PLIN1: variants seen among roughly 807,000 people sequenced by gnomAD.
PLIN1 encodes perilipin-1.
A neutral mutation model predicts 45.8 loss-of-function variants in PLIN1; 37 were observed. That is an observed-to-expected ratio of 0.81 (90% CI 0.62 to 1.06). The LOEUF (loss-of-function observed/expected upper bound fraction) is 1.06, where lower values mean the gene tolerates loss of function less well. Ranked by LOEUF, PLIN1 falls within the 50% of genes least tolerant of loss-of-function variation. The pLI, the probability that PLIN1 is intolerant of heterozygous loss-of-function variation, is 0.00. For synonymous variants in PLIN1, 340 were observed against 309.2 expected (o/e 1.10, Z -1.05); for missense variants, 776 against 716.5 (o/e 1.08, Z -0.95).
chr15:89,665,861 C>T lies in PLIN1; in HGVS notation c.1291G>A (p.Ala431Thr), dbSNP rs1218778712. The change falls in exon 9 of 9, where the codon GCG (alanine) becomes ACG (threonine). Residue 431 changes from alanine to threonine, a missense_variant. Ala to Thr is a moderately conservative substitution (Grantham distance 58). Coordinates refer to ENST00000300055, the MANE Select transcript of PLIN1 (RefSeq NM_002666.5). ...NPPAEVERRE[A>T]ERRASGAPSA... ...GGCGCCCCAGACGCTCTGCGCTCCG[C>T]CTCCCGGCGCTCGACCTCGGCTGGT... 1 of 1,499,338 alleles carries T rather than the reference C, an allele frequency of 6.7e-7. No individual in the cohort carries two copies. Among genetic ancestry groups the T allele is most frequent in the East Asian group, 2.7e-5 (1 of 36,726 alleles). 92.9% of individuals were successfully genotyped at this position (1,499,338 alleles called of 1,614,324 possible).
intron 3 of PLIN1, among the ~76,000 whole-genome samples, chr15:89,672,225 T>C (rs1561726): frequency 0.013 from 1,958 of 152,180 alleles, 43 homozygotes; most frequent in African/African-American, 0.045. Flanking sequence ...CCCCGGAGAG[T>C]GGGCATGCAT....
rs1307024094 is a variant in PLIN1, at chr15:89,667,035, G to C, written c.1110C>G (p.Ala370=). Residue 370 remains alanine (A), a synonymous_variant, in exon 8 of 9, where the codon GCC becomes GCG. Transcript: ENST00000300055. ...TCCCCTTGGTTGAGGAGACAGCAGG[G>C]GCTGGTGTGAGGTGCAGCACCCTCC... The part of the protein sequence containing the change: ...MAGRVLHLTP[A]PAVSSTKGRA... 3 of 1,614,000 alleles carry C rather than the reference G, an allele frequency of 1.9e-6. No individual in the cohort carries two copies. The highest frequency in any genetic ancestry group is 2.5e-6 in the Non-Finnish European group (3 of 1,179,988).
At chr15:89,676,474 C>A (rs1463149973) in intron 2 of PLIN1, among the ~76,000 whole-genome samples, 2 of 152,154 alleles carry the variant, frequency 1.3e-5, no homozygotes, top group Non-Finnish European at 2.9e-5. Flanking sequence ...GTCTTGATCT[C>A]CTGACCTTGT....
At position 89,677,435 on chromosome 15, in the gene PLIN1, A is replaced by G. The variant is rs749777749; in HGVS notation, c.45+10T>C. 2 of 1,611,070 alleles carry G rather than the reference A, an allele frequency of 1.2e-6. No individual in the cohort carries two copies. The highest frequency in any genetic ancestry group is 2.2e-5 in the South Asian group (2 of 91,028). ...CCATCCCCTGTCACAGATGAGCCCA[A>G]GTTACTTACAGGGAGGTCTCCATCC... On this transcript the variant is annotated intron_variant, in intron 2 of 8. Coordinates refer to ENST00000300055, the MANE Select transcript of PLIN1 (RefSeq NM_002666.5).
chr15:89,676,470 A>T (rs1596044335), intron 2 of PLIN1, among the ~76,000 whole-genome samples: 2 of 152,088 alleles, frequency 1.3e-5, no homozygotes, highest in Non-Finnish European at 2.9e-5. Context: ...GATGGTCTTG[A>T]TCTCCTGACC....
At chr15:89,672,296 C>A (rs1199105155) in intron 3 of PLIN1, among the ~76,000 whole-genome samples, 1 of 152,254 alleles carries the variant, frequency 6.6e-6, no homozygotes, top group Non-Finnish European at 1.5e-5. Flanking sequence ...GGCTCTGCAG[C>A]CATGGCCAAT....
chr15:89,669,745 G>C, intron 5 of PLIN1, 73 bp from the exon 6 acceptor site: 1 of 1,419,220 alleles, frequency 7.0e-7, no homozygotes, highest in South Asian at 1.2e-5. Context: ...GTCATGTCTA[G>C]GACTGGAAAG....
chr15:89,670,913 A>AG lies in PLIN1; in HGVS notation c.333+568dup, dbSNP rs1470874724. On this transcript the variant is annotated intron_variant, in intron 4 of 8. Transcript: ENST00000300055. ...TAGGTGATGGCCCCGGGCATAGGGT[A>AG]GGGCTCAGTACCTGTTTGTGGGAAG... Among the ~76,000 whole-genome samples the AG allele has an allele frequency of 3.9e-5, 6 of 152,274 alleles. No individual in the cohort carries two copies. In the East Asian group the frequency reaches 1.2e-3, roughly 29 times the overall value.
At chr15:89,674,874 A>G (rs1223447180) in intron 2 of PLIN1, among the ~76,000 whole-genome samples, 2 of 151,676 alleles carry the variant, frequency 1.3e-5, no homozygotes, top group Admixed American at 6.6e-5. Context: ...AAAATATACT[A>G]CCCTCGCTTG....
In PLIN1 at chr15:89,664,745, T is replaced by C. The variant is rs1363087254; in HGVS notation, c.*838A>G. 9.7e-6 allele frequency: 4 copies of C among 412,680 alleles called. No individual in the cohort carries two copies. Among genetic ancestry groups the C allele is most frequent in the East Asian group, 7.1e-5 (1 of 13,988 alleles). 25.6% of individuals were successfully genotyped at this position (412,680 alleles called of 1,614,324 possible). On this transcript the variant is annotated 3_prime_UTR_variant, in exon 9 of 9. Transcript: ENST00000300055. ...GAAAGACACACATCCTTTTGCAATATTTGAATTCTGTAATTGTATGAATGC... is the reference window on the plus strand; with the variant it reads ...GAAAGACACACATCCTTTTGCAATACTTGAATTCTGTAATTGTATGAATGC...
Position 89,670,263 on chromosome 15 carries a change from G to C in PLIN1, c.334-19C>G. 1 of 1,606,268 alleles carries C rather than the reference G, an allele frequency of 6.2e-7. No individual in the cohort carries two copies. Among genetic ancestry groups the C allele is most frequent in the Non-Finnish European group, 8.5e-7 (1 of 1,175,006 alleles). ...AAGCAATCTGGGGGAAGTTGGTGGG[G>C]GTGTTAGGCATGTGGTCTTGCAGGC... On this transcript the variant is annotated intron_variant, in intron 4 of 8. Coordinates refer to ENST00000300055, the MANE Select transcript of PLIN1 (RefSeq NM_002666.5).
intron 8 of PLIN1, among the ~76,000 whole-genome samples, chr15:89,666,462 A>G (rs1401359556): frequency 6.6e-6 from 1 of 152,158 alleles, no homozygotes; most frequent in Admixed American, 6.5e-5. Context: ...GGGCTCCCAA[A>G]GGGATGGCAT....
intron 3 of PLIN1, among the ~76,000 whole-genome samples, chr15:89,671,964 G>A (rs1012876584): frequency 2.0e-5 from 3 of 152,222 alleles, no homozygotes; most frequent in Admixed American, 6.5e-5. Flanking sequence ...AACAAGTACC[G>A]TTCTTTCCCT....
rs745574452 is a variant in PLIN1, at chr15:89,667,004, T to A, written c.1141A>T (p.Met381Leu). 2.5e-6 allele frequency: 4 copies of A among 1,614,002 alleles called. No individual in the cohort carries two copies. The Admixed American group carries it at 5.0e-5, about 20-fold the overall frequency. The change falls in exon 8 of 9, where the codon ATG becomes TTG. Residue 381 changes from methionine to leucine, a missense_variant. Met to Leu is a conservative substitution (Grantham distance 15, BLOSUM62 2). Coordinates refer to ENST00000300055, the MANE Select transcript of PLIN1 (RefSeq NM_002666.5). ...PAVSSTKGRA[M>L]SLSDALKGVT... is the part of the protein sequence containing the mutation. ...CCCTTCAGGGCATCTGATAGGGACA[T>A]GGCCCTCCCCTTGGTTGAGGAGACA...
Position 89,665,753 on chromosome 15 carries a change from C to T in PLIN1, c.1399G>A (p.Gly467Ser). The T allele has an allele frequency of 7.5e-7, 1 of 1,324,720 alleles. No individual in the cohort carries two copies. The highest frequency in any genetic ancestry group is 9.6e-7 in the Non-Finnish European group (1 of 1,043,458). The allele number at this position is 1,324,720 out of a possible 1,614,324, so 82.1% of individuals were successfully genotyped here. A position where few individuals can be genotyped will look rare whatever the true frequency, so the allele number is the denominator to read the frequency against. Residue 467 changes from glycine to serine, a missense_variant, in exon 9 of 9, where the codon GGC becomes AGC. Coordinates refer to ENST00000300055, the MANE Select transcript of PLIN1 (RefSeq NM_002666.5). ...GCGACTTCGTCCTCCAGGCCCGGGC[C>T]GGGGGGCGCGCCGGGGCTCTGCGCG... ...RSAQSPGAPPGPGLEDEVATP... is the reference protein window; with the variant it reads ...RSAQSPGAPPSPGLEDEVATP...
At chr15:89,676,458 A>G (rs531573000) in intron 2 of PLIN1, among the ~76,000 whole-genome samples, 19 of 152,280 alleles carry the variant, frequency 1.2e-4, no homozygotes, top group Non-Finnish European at 2.4e-4. Context: ...TGTGTTAGCC[A>G]GGATGGTCTT....
chr15:89,667,469 G>T, intron 7 of PLIN1, 133 bp downstream of exon 7: 1 of 1,375,370 alleles, frequency 7.3e-7, no homozygotes, highest in Non-Finnish European at 1.0e-6. Context: ...GCATTTGGGG[G>T]TGGGGTGAAG....
chr15:89,670,190 T>C lies in PLIN1; in HGVS notation c.388A>G (p.Ser130Gly), dbSNP rs1964418875. Residue 130 changes from serine to glycine, a missense_variant, in exon 5 of 9, where the codon AGC (serine) becomes GGC (glycine). Physicochemically the swap from Ser to Gly is moderately conservative, Grantham distance 56. Transcript: ENST00000300055. The stretch of plus-strand genomic sequence containing the variant: ...GTGCTCGCGATGGGAACGCTGATGC[T>C]GTTTCTGGCACTGCGGAGGCGGGTG... ...ISTRLRSARN[S>G]ISVPIASTSD... The C allele has an allele frequency of 1.2e-6, 2 of 1,613,930 alleles. No individual in the cohort carries two copies. The highest frequency in any genetic ancestry group is 1.7e-5 in the Admixed American group (1 of 60,000).
intron 2 of PLIN1, 120 bp downstream of exon 2, chr15:89,677,325 A>G: frequency 2.3e-6 from 2 of 869,158 alleles, no homozygotes; most frequent in South Asian, 2.7e-5. Flanking sequence ...CATGGTAGTC[A>G]ATGAACTAGG....
Sources: allele counts gnomAD v4.1 joint callset (sites outside exome capture counted in the v4.1 genomes callset), GRCh38; gene constraint gnomAD v4.1.1; transcripts MANE v1.5; gene names NCBI Gene and HGNC (gene_info 2026-07-23, HGNC 2026-07-21).